The following TFEC variants were observed in gnomAD, a reference collection of about 807,000 sequenced individuals.
TFEC encodes class E basic helix-loop-helix protein 34.
In TFEC, 31 loss-of-function variants were observed where a neutral mutation model predicts 41.6. The observed-to-expected ratio is 0.74, with a 90% CI of 0.56 to 1.01. The LOEUF is 1.01. Among genes scored for constraint, TFEC ranks in the 50% least tolerant of loss-of-function variants. TFEC has a pLI of 0.00. For synonymous variants in TFEC, 143 were observed against 140.6 expected (o/e 1.02, Z -0.12); for missense variants, 402 against 404.1 (o/e 0.99, Z 0.04).
chr7:116,026,836 C>T (rs1795602582), intron 1 of TFEC, among the ~76,000 whole-genome samples: 2 of 152,152 alleles, frequency 1.3e-5, no homozygotes. Flanking sequence ...GATCATCCAT[C>T]ACATAAAAAT....
chr7:115,977,901 T>C (rs1793455933), intron 2 of TFEC, among the ~76,000 whole-genome samples: 1 of 73,064 alleles, frequency 1.4e-5, no homozygotes. Context: ...GATATAGATG[T>C]AGAAAAAAAC....
At chr7:115,981,512 T>C (rs1321044292) in intron 2 of TFEC, among the ~76,000 whole-genome samples, 1 of 152,156 alleles carries the variant, frequency 6.6e-6, no homozygotes, top group Non-Finnish European at 1.5e-5. Context: ...ATGCACTGAT[T>C]ATTAATTGGC....
chr7:116,034,435 C>T (rs1360711234), upstream of TFEC, among the ~76,000 whole-genome samples: 2 of 151,962 alleles, frequency 1.3e-5, no homozygotes, highest in Non-Finnish European at 2.9e-5. Flanking sequence ...TGCAGCCTTC[C>T]CCAACTAGAT....
At chr7:116,054,851 T>A (rs1002651199) in intron 3 of TFEC, among the ~76,000 whole-genome samples, 1 of 152,120 alleles carries the variant, frequency 6.6e-6, no homozygotes, top group African/African-American at 2.4e-5. Flanking sequence ...ATAAGATAGA[T>A]CTTTACCACT....
At position 115,984,454 on chromosome 7, in the gene TFEC, T is replaced by C. The variant is rs765661633; in HGVS notation, c.-13A>G. 3.8e-5 allele frequency: 62 copies of C among 1,613,992 alleles called. No individual in the cohort carries two copies. The highest frequency in any genetic ancestry group is 1.7e-5 in the Admixed American group (1 of 59,986). ...GATCAAGGGTCATGAAAGAGTTTACTTTCTGTCTCTGGGCTTTCTGTAGCT... is the reference window on the plus strand; with the variant it reads ...GATCAAGGGTCATGAAAGAGTTTACCTTCTGTCTCTGGGCTTTCTGTAGCT... On this transcript the variant is annotated 5_prime_UTR_variant, in exon 2 of 8. Coordinates refer to ENST00000265440, the MANE Select transcript of TFEC (RefSeq NM_012252.4).
chr7:116,014,496 GA>G (rs756554738), intron 1 of TFEC, among the ~76,000 whole-genome samples: 11 of 151,040 alleles, frequency 7.3e-5, no homozygotes, highest in Admixed American at 6.0e-4. Context: ...CTTTAAAAAA[GA>G]AAAAAAATTC....
intron 3 of TFEC, among the ~76,000 whole-genome samples, chr7:116,040,038 G>A (rs1188546926): frequency 1.3e-5 from 2 of 152,108 alleles, no homozygotes; most frequent in Non-Finnish European, 2.9e-5. Flanking sequence ...GACAAAGAGA[G>A]AGAGACAAAG....
At chr7:116,078,758 A>G (rs1425900205) in intron 3 of TFEC, among the ~76,000 whole-genome samples, 1 of 152,156 alleles carries the variant, frequency 6.6e-6, no homozygotes, top group African/African-American at 2.4e-5. Context: ...CAGACATTCA[A>G]TGAAGAATTG....
At chr7:115,943,728 G>A (rs1316569405) in intron 6 of TFEC, among the ~76,000 whole-genome samples, 1 of 151,516 alleles carries the variant, frequency 6.6e-6, no homozygotes, top group Non-Finnish European at 1.5e-5. Flanking sequence ...CACCAATAAA[G>A]GCATGGCTAA....
intron 1 of TFEC, among the ~76,000 whole-genome samples, chr7:115,999,433 A>G (rs1476275138): frequency 2.6e-5 from 4 of 152,024 alleles, no homozygotes; most frequent in African/African-American, 9.7e-5. Context: ...TCTTAAAGAA[A>G]TAGAAAAGCA....
intron 1 of TFEC, among the ~76,000 whole-genome samples, chr7:115,990,008 G>A (rs1352859304): frequency 1.3e-5 from 2 of 152,154 alleles, no homozygotes; most frequent in East Asian, 1.9e-4. Context: ...ATACAGCCAG[G>A]TGCCCCTCTG....
chr7:116,072,641 C>G (rs1422280934), intron 3 of TFEC, among the ~76,000 whole-genome samples: 1 of 151,426 alleles, frequency 6.6e-6, no homozygotes, highest in African/African-American at 2.4e-5. Flanking sequence ...ATTTAAGTAG[C>G]CTTATAATGT....
At position 115,945,983 on chromosome 7, in the gene TFEC, C is replaced by A. The variant is rs190709326; in HGVS notation, c.516-3943G>T. On this transcript the variant is annotated intron_variant, in intron 6 of 7. Transcript: ENST00000265440. ...GAAATATTTACTATCTGGCCCTATA[C>A]AAAAAGTACTTACCATTCTATGTTC... Among the ~76,000 whole-genome samples the A allele has an allele frequency of 9.7e-3, 1,472 of 151,732 alleles. 25 individuals carry two copies. Among genetic ancestry groups the A allele is most frequent in the Non-Finnish European group, 0.017 (1,172 of 67,898 alleles).
chr7:116,009,904 G>T (rs1324968793), intron 1 of TFEC, among the ~76,000 whole-genome samples: 1 of 152,162 alleles, frequency 6.6e-6, no homozygotes, highest in Admixed American at 6.5e-5. Flanking sequence ...ATAGGACGGA[G>T]AAATGCACAT....
At chr7:115,950,353 A>T (rs976066005) in intron 6 of TFEC, among the ~76,000 whole-genome samples, 1 of 152,136 alleles carries the variant, frequency 6.6e-6, no homozygotes, top group Non-Finnish European at 1.5e-5. Context: ...CAATATTTAC[A>T]AGAGTAAGTA....
intron 3 of TFEC, among the ~76,000 whole-genome samples, chr7:116,060,453 G>C (rs1381096710): frequency 1.3e-5 from 2 of 152,076 alleles, no homozygotes; most frequent in African/African-American, 4.8e-5. Context: ...CAGAAACATG[G>C]AATCAACCTA....
intron 3 of TFEC, among the ~76,000 whole-genome samples, chr7:116,052,007 G>A (rs1796324104): frequency 6.6e-6 from 1 of 151,520 alleles, no homozygotes; most frequent in Non-Finnish European, 1.5e-5. Context: ...TTCCTGATAT[G>A]GGTAATCTGC....
At chr7:116,136,125 A>G (rs2116350424) in intron 1 of TFEC, among the ~76,000 whole-genome samples, 1 of 152,090 alleles carries the variant, frequency 6.6e-6, no homozygotes, top group African/African-American at 2.4e-5. Flanking sequence ...TGATTATTGT[A>G]CTCAGTGTAT....
At chr7:116,026,472 A>C (rs1436301871) in intron 1 of TFEC, among the ~76,000 whole-genome samples, 1 of 152,166 alleles carries the variant, frequency 6.6e-6, no homozygotes, top group Non-Finnish European at 1.5e-5. Context: ...CTCAGAACCT[A>C]GTACCGCACC....
Sources: allele counts gnomAD v4.1 joint callset (sites outside exome capture counted in the v4.1 genomes callset), GRCh38; gene constraint gnomAD v4.1.1; transcripts MANE v1.5; gene names NCBI Gene and HGNC (gene_info 2026-07-23, HGNC 2026-07-21).